Variants in LRMDA observed in about 807,000 individuals in gnomAD.
LRMDA encodes leucine-rich melanocyte differentiation-associated protein.
Under a neutral mutation model 29.8 loss-of-function variants are expected in LRMDA, and 18 were observed. That is an observed-to-expected ratio of 0.60 (90% CI 0.42 to 0.90). The LOEUF (loss-of-function observed/expected upper bound fraction) is 0.90. Among genes scored for constraint, LRMDA ranks in the 40% least tolerant of loss-of-function variants. LRMDA has a pLI of 0.00. For synonymous variants in LRMDA, 125 were observed against 109.4 expected (o/e 1.14, Z -0.89); for missense variants, 273 against 273.9 (o/e 1.00, Z 0.02).
rs189977379 is a variant in LRMDA, at chr10:76,534,521, A to G, written c.602-22688A>G. Among the ~76,000 whole-genome samples the G allele has an allele frequency of 3.3e-5, 5 of 152,326 alleles. No homozygotes were observed. In the South Asian group the frequency reaches 8.3e-4, roughly 25 times the overall value. The stretch of plus-strand genomic sequence containing the variant: ...ATTACACCTGGAGGAAATTGCCTGT[A>G]TTGGCCTTTTGAGTAAGAAAGATGT... On this transcript the variant is annotated intron_variant, in intron 6 of 6. Coordinates refer to ENST00000611255, the MANE Select transcript of LRMDA (RefSeq NM_001305581.2).
At chr10:75,915,263 G>T (rs1281808119) in intron 2 of LRMDA, among the ~76,000 whole-genome samples, 2 of 150,138 alleles carry the variant, frequency 1.3e-5, no homozygotes, top group African/African-American at 4.9e-5. Flanking sequence ...AGCCTCCTGA[G>T]TAGCTGGGAT....
At chr10:75,621,572 C>T (rs564637630) in intron 2 of LRMDA, among the ~76,000 whole-genome samples, 1 of 152,236 alleles carries the variant, frequency 6.6e-6, no homozygotes, top group South Asian at 2.1e-4. Context: ...TCGTGTGTCC[C>T]TTGGCAGTCA....
chr10:76,518,277 TATC>T (rs1220588247), intron 6 of LRMDA, among the ~76,000 whole-genome samples: 1 of 136,780 alleles, frequency 7.3e-6, no homozygotes, highest in Non-Finnish European at 1.6e-5. Context: ...TCCATTTATC[TATC>T]ATCTATCTAT....
chr10:75,900,062 CTA>C (rs1845645343), intron 2 of LRMDA, among the ~76,000 whole-genome samples: 1 of 152,116 alleles, frequency 6.6e-6, no homozygotes, highest in African/African-American at 2.4e-5. Context: ...GTGTTGATTT[CTA>C]TGAGATATAA....
chr10:75,453,725 G>T (rs1458652318), intron 2 of LRMDA, among the ~76,000 whole-genome samples: 2 of 152,134 alleles, frequency 1.3e-5, no homozygotes, highest in Admixed American at 1.3e-4. Flanking sequence ...AGAGGGGATG[G>T]GGTGTGTTAA....
intron 5 of LRMDA, among the ~76,000 whole-genome samples, chr10:76,186,623 C>A (rs1450874708): frequency 6.6e-6 from 1 of 152,160 alleles, no homozygotes; most frequent in African/African-American, 2.4e-5. Context: ...CTTCTTGGAG[C>A]CATTAGGCTG....
intron 2 of LRMDA, among the ~76,000 whole-genome samples, chr10:75,715,149 G>A (rs764150647): frequency 4.6e-5 from 7 of 152,162 alleles, no homozygotes; most frequent in Admixed American, 6.5e-5. Flanking sequence ...GCTGCGGTAC[G>A]TGCGGGCAGC....
rs2395288 is a variant in LRMDA, at chr10:75,479,380, G to A, written c.131+40886G>A. Among the ~76,000 whole-genome samples, 1,307 of 152,060 alleles carry A rather than the reference G, an allele frequency of 8.6e-3. 17 individuals are homozygous for A. Among genetic ancestry groups the A allele is most frequent in the African/African-American group, 0.029 (1,217 of 41,458 alleles). On this transcript the variant is annotated intron_variant, in intron 2 of 6. Coordinates refer to ENST00000611255, the MANE Select transcript of LRMDA (RefSeq NM_001305581.2). The stretch of plus-strand genomic sequence containing the variant: ...AAATTAGCCGGGCGTGGTCACAGGC[G>A]CCTGTAGTCCCAGCTACTTGGGAGG...
intron 5 of LRMDA, among the ~76,000 whole-genome samples, chr10:76,137,419 G>A (rs1850115384): frequency 6.6e-6 from 1 of 152,192 alleles, no homozygotes; most frequent in Non-Finnish European, 1.5e-5. Context: ...AAGACGAGGG[G>A]CAACGATGCT....
In LRMDA at chr10:76,148,166, C is replaced by G. The variant is rs147231792; in HGVS notation, c.516+89383C>G. Among the ~76,000 whole-genome samples, 1,120 of 152,314 alleles carry G rather than the reference C, an allele frequency of 7.4e-3. 8 individuals are homozygous for G. Among genetic ancestry groups the G allele is most frequent in the African/African-American group, 0.023 (969 of 41,562 alleles). ...CTTGAGGAGGCAGTCTGTCTGTTCT[C>G]AGATCTCAAGCTGCGTGCTGGGAGA... On this transcript the variant is annotated intron_variant, in intron 5 of 6. Coordinates refer to ENST00000611255, the MANE Select transcript of LRMDA (RefSeq NM_001305581.2).
chr10:75,545,183 C>T (rs114288286), intron 2 of LRMDA, among the ~76,000 whole-genome samples: 2,035 of 152,164 alleles, frequency 0.013, 37 homozygotes, highest in African/African-American at 0.041. Flanking sequence ...GGACAGCTCC[C>T]ACAACAAATA....
At chr10:76,101,696 G>A (rs1326416051) in intron 5 of LRMDA, among the ~76,000 whole-genome samples, 3 of 151,748 alleles carry the variant, frequency 2.0e-5, no homozygotes, top group Non-Finnish European at 2.9e-5. Context: ...AGATCACACC[G>A]CTGTACTCCA....
chr10:76,409,544 G>A (rs1051159379), intron 6 of LRMDA, among the ~76,000 whole-genome samples: 15 of 152,010 alleles, frequency 9.9e-5, no homozygotes, highest in Admixed American at 3.9e-4. Context: ...TTGCTAACCC[G>A]TTCACTTTAC....
chr10:75,915,571 G>A (rs1845919844), intron 2 of LRMDA, among the ~76,000 whole-genome samples: 1 of 152,188 alleles, frequency 6.6e-6, no homozygotes, highest in African/African-American at 2.4e-5. Flanking sequence ...TAACAGTTGA[G>A]AGAACTGAGG....
intron 2 of LRMDA, among the ~76,000 whole-genome samples, chr10:75,923,065 G>A (rs1316381148): frequency 6.6e-6 from 1 of 152,182 alleles, no homozygotes; most frequent in Non-Finnish European, 1.5e-5. Context: ...TAATTCATCA[G>A]TGTCTGAGCT....
At position 75,917,354 on chromosome 10, in the gene LRMDA, C is replaced by T. The variant is rs1163793604; in HGVS notation, c.132-118654C>T. ...CCAGGCCAAGCAGCATGGGTCTCGGCAGAAGCTCATCCTGGGAGTGGGCTG... is the reference window on the plus strand; with the variant it reads ...CCAGGCCAAGCAGCATGGGTCTCGGTAGAAGCTCATCCTGGGAGTGGGCTG... On this transcript the variant is annotated intron_variant, in intron 2 of 6. Coordinates refer to ENST00000611255, the MANE Select transcript of LRMDA (RefSeq NM_001305581.2). Among the ~76,000 whole-genome samples the T allele has an allele frequency of 2.6e-5, 4 of 152,322 alleles. No homozygotes were observed. The East Asian group carries it at 7.7e-4, about 29-fold the overall frequency.
At position 75,942,498 on chromosome 10, in the gene LRMDA, C is replaced by T. The variant is rs139368243; in HGVS notation, c.132-93510C>T. On this transcript the variant is annotated intron_variant, in intron 2 of 6. Transcript: ENST00000611255. The stretch of plus-strand genomic sequence containing the variant: ...CTCATGAAGCTGGTGATGATGGGCT[C>T]GGTAGTTAACCACTTGCGGGAAGTT... 4.0e-3 allele frequency among the ~76,000 whole-genome samples: 615 copies of T among 152,204 alleles called. 5 individuals are homozygous for T. Among genetic ancestry groups the T allele is most frequent in the African/African-American group, 0.014 (589 of 41,526 alleles).
intron 5 of LRMDA, among the ~76,000 whole-genome samples, chr10:76,190,978 G>A (rs369203604): frequency 2.6e-5 from 4 of 152,218 alleles, no homozygotes; most frequent in Admixed American, 6.5e-5. Context: ...ATGTAACCCC[G>A]AGCGGCTTTG....
chr10:75,544,927 T>C (rs1399946168), intron 2 of LRMDA, among the ~76,000 whole-genome samples: 3 of 152,206 alleles, frequency 2.0e-5, no homozygotes, highest in Non-Finnish European at 4.4e-5. Context: ...TCTCATTTAA[T>C]TATTTGATTA....
Sources: allele counts gnomAD v4.1 joint callset (sites outside exome capture counted in the v4.1 genomes callset), GRCh38; gene constraint gnomAD v4.1.1; transcripts MANE v1.5; gene names NCBI Gene and HGNC (gene_info 2026-07-23, HGNC 2026-07-21).